Variants in ST6GALNAC3 observed in about 807,000 individuals in gnomAD.
ST6GALNAC3 encodes ST6 N-acetylgalactosaminide alpha-2,6-sialyltransferase 3.
In ST6GALNAC3, 25 loss-of-function variants were observed where a neutral mutation model predicts 32.7. The ratio of observed to expected loss-of-function variants is 0.76; its 90% confidence interval spans 0.56 to 1.07. The LOEUF (loss-of-function observed/expected upper bound fraction) is 1.07, where lower values mean the gene tolerates loss of function less well. Ranked by LOEUF, ST6GALNAC3 falls within the 50% of genes least tolerant of loss-of-function variation. The pLI is 0.00. For synonymous variants in ST6GALNAC3, 129 were observed against 133.1 expected (o/e 0.97, Z 0.21); for missense variants, 355 against 382.4 (o/e 0.93, Z 0.60).
At chr1:76,611,806 T>C (rs932551315) in intron 3 of ST6GALNAC3, among the ~76,000 whole-genome samples, 6 of 152,222 alleles carry the variant, frequency 3.9e-5, no homozygotes, top group African/African-American at 1.4e-4. Context: ...TCCTTGATTC[T>C]CACAAAGCTA....
intron 2 of ST6GALNAC3, among the ~76,000 whole-genome samples, chr1:76,349,664 C>T (rs1648810706): frequency 6.6e-6 from 1 of 152,116 alleles, no homozygotes; most frequent in Non-Finnish European, 1.5e-5. Context: ...TCTTATTTTA[C>T]TATTCTTTGA....
At position 76,478,942 on chromosome 1, in the gene ST6GALNAC3, T is replaced by A. The variant is rs193210647; in HGVS notation, c.623+66525T>A. ...CACGCCCGGCTAATTTTTTTGTATT[T>A]TTAGTAGAGACGGGGTTTCACTGTG... On this transcript the variant is annotated intron_variant, in intron 3 of 4. Coordinates refer to ENST00000328299, the MANE Select transcript of ST6GALNAC3 (RefSeq NM_152996.4). Among the ~76,000 whole-genome samples the A allele has an allele frequency of 7.0e-3, 1,070 of 151,956 alleles. 11 individuals carry two copies. The highest frequency in any genetic ancestry group is 0.022 in the South Asian group (104 of 4,804).
At chr1:76,177,376 T>C (rs1361264678) in intron 1 of ST6GALNAC3, among the ~76,000 whole-genome samples, 1 of 152,212 alleles carries the variant, frequency 6.6e-6, no homozygotes, top group East Asian at 1.9e-4. Context: ...TGTGCATTCC[T>C]GTGATATGCA....
At chr1:76,190,083 G>A (rs1033640625) in intron 1 of ST6GALNAC3, among the ~76,000 whole-genome samples, 1 of 152,048 alleles carries the variant, frequency 6.6e-6, no homozygotes, top group African/African-American at 2.4e-5. Flanking sequence ...AACTCATTAT[G>A]TCTCGTTGGT....
intron 3 of ST6GALNAC3, among the ~76,000 whole-genome samples, chr1:76,494,414 A>G (rs1396172112): frequency 3.0e-5 from 4 of 131,532 alleles, no homozygotes; most frequent in African/African-American, 1.1e-4. Context: ...TAGGACTAAT[A>G]GGATGTGTGC....
At position 76,129,121 on chromosome 1, in the gene ST6GALNAC3, C is replaced by T. The variant is rs181990322; in HGVS notation, c.18+54237C>T. Among the ~76,000 whole-genome samples the T allele has an allele frequency of 4.5e-3, 682 of 152,232 alleles. 4 individuals are homozygous for T. Among genetic ancestry groups the T allele is most frequent in the Middle Eastern group, 6.8e-3 (2 of 294 alleles). On this transcript the variant is annotated intron_variant, in intron 1 of 4. Coordinates refer to ENST00000328299, the MANE Select transcript of ST6GALNAC3 (RefSeq NM_152996.4). Reference sequence around the variant, plus strand: ...TTTGCGTGTCCTATAACATCACCCACCTGTACAGGGGAGTTGGGAGTTCCT... The same window carrying T: ...TTTGCGTGTCCTATAACATCACCCATCTGTACAGGGGAGTTGGGAGTTCCT...
At chr1:76,584,702 G>C (rs1646936122) in intron 3 of ST6GALNAC3, among the ~76,000 whole-genome samples, 1 of 152,324 alleles carries the variant, frequency 6.6e-6, no homozygotes, top group East Asian at 1.9e-4. Context: ...GGCTCTCAAT[G>C]GAAACTGGCA....
At chr1:76,565,220 C>T (rs376392184) in intron 3 of ST6GALNAC3, among the ~76,000 whole-genome samples, 1 of 152,140 alleles carries the variant, frequency 6.6e-6, no homozygotes, top group African/African-American at 2.4e-5. Flanking sequence ...TTAAAGCTCA[C>T]CAAACACTGT....
At chr1:76,293,782 C>T (rs2100825341) in intron 1 of ST6GALNAC3, among the ~76,000 whole-genome samples, 1 of 152,254 alleles carries the variant, frequency 6.6e-6, no homozygotes, top group South Asian at 2.1e-4. Flanking sequence ...AAAATTCCTT[C>T]TGTTTCTAAA....
At chr1:76,208,613 C>A (rs1031597399) in intron 1 of ST6GALNAC3, among the ~76,000 whole-genome samples, 4 of 152,090 alleles carry the variant, frequency 2.6e-5, no homozygotes, top group Non-Finnish European at 5.9e-5. Flanking sequence ...TAAATCACAC[C>A]TCAAAAGGTT....
At chr1:76,205,640 T>G (rs865985471) in intron 1 of ST6GALNAC3, among the ~76,000 whole-genome samples, 1 of 152,306 alleles carries the variant, frequency 6.6e-6, no homozygotes, top group Middle Eastern at 3.4e-3. Flanking sequence ...GTTTTGATGT[T>G]GTAAAGGAGG....
chr1:76,242,426 A>G (rs574927), intron 1 of ST6GALNAC3, among the ~76,000 whole-genome samples: 63,484 of 151,626 alleles, frequency 0.42, 14,234 homozygotes, highest in African/African-American at 0.57. Context: ...GTTGCCAGAT[A>G]CCTTCTTTTC....
chr1:76,505,540 T>C (rs1661430018), intron 3 of ST6GALNAC3, among the ~76,000 whole-genome samples: 1 of 152,200 alleles, frequency 6.6e-6, no homozygotes, highest in South Asian at 2.1e-4. Flanking sequence ...CATTCACTTA[T>C]AAATAGCTCC....
rs1193061545 is a variant in ST6GALNAC3, at chr1:76,118,861, C to T, written c.18+43977C>T. On this transcript the variant is annotated intron_variant, in intron 1 of 4. Transcript: ENST00000328299. ...TTTTTGAGGTGGAGTCTCACTCTGTCGCCCAGGCCGGAGTGCAGTGGTACG... is the reference window on the plus strand; with the variant it reads ...TTTTTGAGGTGGAGTCTCACTCTGTTGCCCAGGCCGGAGTGCAGTGGTACG... Among the ~76,000 whole-genome samples, 4 of 152,080 alleles carry T rather than the reference C, an allele frequency of 2.6e-5. No homozygotes were observed. In the East Asian group the frequency reaches 5.8e-4, roughly 22 times the overall value.
chr1:76,278,223 C>CTTTTTTTTTTTTTTTTTTTT lies in ST6GALNAC3; in HGVS notation c.19-35567_19-35566insTTTTTTTTTTTTTTTTTTTT, dbSNP rs568694243. Among the ~76,000 whole-genome samples, 13 of 113,756 alleles carry CTTTTTTTTTTTTTTTTTTTT rather than the reference C, an allele frequency of 1.1e-4. 1 individual carries two copies. The East Asian group carries it at 1.3e-3, about 11-fold the overall frequency. The allele number at this position is 113,756 out of a possible 152,430, so 74.6% of individuals were successfully genotyped here. ...TGTATTCTCATTATTGCTAGGCATT[C>CTTTTTTTTTTTTTTTTTTTT]TTTTTTTTTTTTTTTGAGATGGAGT... is the stretch of plus-strand genomic sequence containing the variant. On this transcript the variant is annotated intron_variant, in intron 1 of 4. Coordinates refer to ENST00000328299, the MANE Select transcript of ST6GALNAC3 (RefSeq NM_152996.4).
At chr1:76,126,141 G>T (rs546697987) in intron 1 of ST6GALNAC3, among the ~76,000 whole-genome samples, 1 of 152,090 alleles carries the variant, frequency 6.6e-6, no homozygotes, top group Admixed American at 6.5e-5. Context: ...CAAGAGTCTC[G>T]CTGATAAGGA....
At chr1:76,484,074 A>G (rs1431653899) in intron 3 of ST6GALNAC3, among the ~76,000 whole-genome samples, 1 of 151,938 alleles carries the variant, frequency 6.6e-6, no homozygotes, top group South Asian at 2.1e-4. Context: ...CTGTTCCATT[A>G]GTCTATATGT....
chr1:76,224,022 C>T (rs972832593), intron 1 of ST6GALNAC3, among the ~76,000 whole-genome samples: 2 of 152,128 alleles, frequency 1.3e-5, no homozygotes, highest in African/African-American at 2.4e-5. Context: ...GAAATAAACC[C>T]GTCTAGCTTT....
chr1:76,228,257 G>C (rs1327882061), intron 1 of ST6GALNAC3, among the ~76,000 whole-genome samples: 1 of 152,170 alleles, frequency 6.6e-6, no homozygotes, highest in African/African-American at 2.4e-5. Context: ...TGGTTTCAGT[G>C]ATGCTATTTT....
Sources: gnomAD v4.1 joint callset for allele counts (sites outside exome capture counted in the v4.1 genomes callset) on GRCh38, gnomAD v4.1.1 for gene constraint, MANE v1.5 for transcripts, NCBI Gene and HGNC (gene_info 2026-07-23, HGNC 2026-07-21) for gene names.